The following HBS1L variants were observed in gnomAD, a reference collection of about 807,000 sequenced individuals.
The protein encoded by HBS1L is HBS1 like translational GTPase.
Under a neutral mutation model 88.9 loss-of-function variants are expected in HBS1L, and 55 were observed. The ratio of observed to expected loss-of-function variants is 0.62; its 90% CI spans 0.50 to 0.77. HBS1L has a LOEUF of 0.77. Among genes scored for constraint, HBS1L ranks in the 30% least tolerant of loss-of-function variants. The pLI is 0.00. For synonymous variants in HBS1L, 267 were observed against 288.5 expected (o/e 0.93, Z 0.76); for missense variants, 741 against 829.3 (o/e 0.89, Z 1.31).
In HBS1L at chr6:134,997,499, C is replaced by T; in HGVS notation, c.697G>A (p.Ala233Thr). ...QASEEQSSTP[A>T]PVKKSGKLRQ... The stretch of plus-strand genomic sequence containing the variant: ...AGCTTGCCAGACTTTTTCACCGGTG[C>T]TGGGGTTGAACTCTGCTCTTCTGAT... The change falls in exon 6 of 18, where the codon GCA (alanine) becomes ACA (threonine). Residue 233 changes from alanine to threonine, a missense_variant. Physicochemically the swap from Ala to Thr is moderately conservative, Grantham distance 58. This residue lies in a region of HBS1L where 556 missense variants were observed against 598.4 expected (regional missense o/e 0.93). Coordinates refer to ENST00000367837, the MANE Select transcript of HBS1L (RefSeq NM_006620.4). 1 of 1,614,024 alleles carries T rather than the reference C, an allele frequency of 6.2e-7. No homozygotes were observed. The highest frequency in any genetic ancestry group is 8.5e-7 in the Non-Finnish European group (1 of 1,179,998).
chr6:135,003,231 G>A (rs1019640832), intron 4 of HBS1L, among the ~76,000 whole-genome samples: 2 of 152,146 alleles, frequency 1.3e-5, no homozygotes, highest in African/African-American at 2.4e-5. Context: ...TCAGTTAGCA[G>A]ATGGCTAAAC....
intron 2 of HBS1L, among the ~76,000 whole-genome samples, chr6:135,049,268 A>G (rs1367138109): frequency 1.3e-5 from 2 of 152,120 alleles, no homozygotes; most frequent in African/African-American, 4.8e-5. Context: ...GACAGAAGGG[A>G]AAGAGTTCTC....
At chr6:135,008,512 T>A (rs1336957507) in intron 4 of HBS1L, among the ~76,000 whole-genome samples, 1 of 152,244 alleles carries the variant, frequency 6.6e-6, no homozygotes, top group Non-Finnish European at 1.5e-5. Flanking sequence ...CCCCAGTGGT[T>A]ACCCCTTGAG....
At chr6:135,035,940 A>T in intron 4 of HBS1L, 1 of 595,186 alleles carries the variant, frequency 1.7e-6, no homozygotes, top group African/African-American at 2.0e-5. Flanking sequence ...TAATTCACAT[A>T]TTAATCCAAC....
At chr6:135,034,013 A>G (rs1776460288) in intron 4 of HBS1L, among the ~76,000 whole-genome samples, 1 of 152,236 alleles carries the variant, frequency 6.6e-6, no homozygotes, top group Admixed American at 6.5e-5. Context: ...GGATAACTCA[A>G]ATTTTAAAAT....
At chr6:135,052,571 G>A (rs77867332) in intron 1 of HBS1L, among the ~76,000 whole-genome samples, 5,463 of 145,498 alleles carry the variant, frequency 0.038, 349 homozygotes, top group African/African-American at 0.13. Flanking sequence ...AACAAAGTGC[G>A]ATCCTGTCTC....
At position 135,031,739 on chromosome 6, in the gene HBS1L, T is replaced by C. The variant is rs144019914; in HGVS notation, c.430+7834A>G. Reference sequence around the variant, plus strand: ...AATCATATCTTTGTTCATCTTGGGTTATATCCTGCAACTAAACTGCTTTCC... The same window carrying C: ...AATCATATCTTTGTTCATCTTGGGTCATATCCTGCAACTAAACTGCTTTCC... On this transcript the variant is annotated intron_variant, in intron 4 of 17. Coordinates refer to ENST00000367837, the MANE Select transcript of HBS1L (RefSeq NM_006620.4). 4.2e-4 allele frequency among the ~76,000 whole-genome samples: 64 copies of C among 152,226 alleles called. No homozygotes were observed. In the East Asian group the frequency reaches 0.012, roughly 28 times the overall value.
rs990314471 is a variant in HBS1L, at chr6:134,964,118, C to A, written c.*1161G>T. On this transcript the variant is annotated 3_prime_UTR_variant, in exon 18 of 18. Transcript: ENST00000367837. ...GCTTATGTTCAAAATGTCAGGTTCA[C>A]GAAAAGGTGCAGGGAGAAGAAATGC... The A allele has an allele frequency of 6.6e-6, 1 of 151,762 alleles. No individual in the cohort carries two copies. Among genetic ancestry groups the A allele is most frequent in the African/African-American group, 2.4e-5 (1 of 41,304 alleles). 9.4% of individuals were successfully genotyped at this position (151,762 alleles called of 1,614,324 possible). A position where few individuals can be genotyped will look rare whatever the true frequency, so the allele number is the denominator to read the frequency against.
chr6:134,972,390 G>C (rs1774516606), intron 15 of HBS1L, among the ~76,000 whole-genome samples: 1 of 152,114 alleles, frequency 6.6e-6, no homozygotes, highest in African/African-American at 2.4e-5. Context: ...GGGAAAACTG[G>C]ATATCCATAT....
intron 4 of HBS1L, among the ~76,000 whole-genome samples, chr6:135,011,819 T>C (rs372243240): frequency 6.8e-6 from 1 of 147,754 alleles, no homozygotes; most frequent in Admixed American, 6.9e-5. Context: ...GGCAGGAGAA[T>C]CACTTGAACC....
At position 134,990,234 on chromosome 6, in the gene HBS1L, G is replaced by A. The variant is rs1441981439; in HGVS notation, c.1084-2443C>T. The stretch of plus-strand genomic sequence containing the variant: ...ATATTATTTCTAGGCAATAGCTCTT[G>A]TCTTTGGGAGTCCAAATGCCTACTA... On this transcript the variant is annotated intron_variant, in intron 8 of 17. Coordinates refer to ENST00000367837, the MANE Select transcript of HBS1L (RefSeq NM_006620.4). 3.9e-5 allele frequency among the ~76,000 whole-genome samples: 6 copies of A among 152,158 alleles called. No homozygotes were observed. In the East Asian group the frequency reaches 1.2e-3, roughly 29 times the overall value.
chr6:134,973,093 C>T (rs1477670152), intron 15 of HBS1L, among the ~76,000 whole-genome samples: 1 of 152,190 alleles, frequency 6.6e-6, no homozygotes, highest in Non-Finnish European at 1.5e-5. Flanking sequence ...CACTCCTAGG[C>T]ATATGCCCAA....
intron 5 of HBS1L, among the ~76,000 whole-genome samples, chr6:135,001,994 TAA>T (rs1235482915): frequency 6.6e-6 from 1 of 151,854 alleles, no homozygotes; most frequent in Non-Finnish European, 1.5e-5. Flanking sequence ...TTGTTTATAG[TAA>T]AAACCTATTG....
chr6:135,006,984 C>T (rs781389827), intron 4 of HBS1L, among the ~76,000 whole-genome samples: 2 of 152,068 alleles, frequency 1.3e-5, no homozygotes, highest in Non-Finnish European at 1.5e-5. Flanking sequence ...TGTTATAGTT[C>T]ATCTTAGTAT....
At position 134,964,037 on chromosome 6, in the gene HBS1L, A is replaced by G. The variant is rs1774244744; in HGVS notation, c.*1242T>C. 1 of 152,216 alleles carries G rather than the reference A, an allele frequency of 6.6e-6. No homozygotes were observed. The highest frequency in any genetic ancestry group is 1.5e-5 in the Non-Finnish European group (1 of 68,040). 9.4% of individuals were successfully genotyped at this position (152,216 alleles called of 1,614,324 possible). A position where few individuals can be genotyped will look rare whatever the true frequency, so the allele number is the denominator to read the frequency against. On this transcript the variant is annotated 3_prime_UTR_variant, in exon 18 of 18. Transcript: ENST00000367837. ...ATATACCAAGTGTGTTCACTTGGTA[A>G]TCATTCACTAAGCAACACATGTATA...
intron 15 of HBS1L, among the ~76,000 whole-genome samples, chr6:134,969,634 A>T (rs1340982512): frequency 6.6e-6 from 1 of 152,216 alleles, no homozygotes; most frequent in Non-Finnish European, 1.5e-5. Context: ...ACAACATCTT[A>T]GTGTTGTTCT....
chr6:135,007,779 AAAC>A (rs1381688699), intron 4 of HBS1L, among the ~76,000 whole-genome samples: 1 of 152,196 alleles, frequency 6.6e-6, no homozygotes, highest in Non-Finnish European at 1.5e-5. Context: ...CATCTTCCCC[AAAC>A]AACTGGAAAT....
Position 135,034,713 on chromosome 6 carries a change from T to G in HBS1L, c.430+4860A>C, listed in dbSNP as rs188882252. Among the ~76,000 whole-genome samples, 715 of 152,332 alleles carry G rather than the reference T, an allele frequency of 4.7e-3. 4 individuals are homozygous for G. Among genetic ancestry groups the G allele is most frequent in the African/African-American group, 0.016 (650 of 41,568 alleles). The stretch of plus-strand genomic sequence containing the variant: ...TTTTCCAAGGAATACTAATAATATC[T>G]CCATCATTTTATGCAAAGGGCCATT... On this transcript the variant is annotated intron_variant, in intron 4 of 17. Transcript: ENST00000367837.
chr6:135,014,909 C>T (rs1273144756), intron 4 of HBS1L, among the ~76,000 whole-genome samples: 1 of 151,076 alleles, frequency 6.6e-6, no homozygotes, highest in African/African-American at 2.4e-5. Context: ...GTGGTACACG[C>T]CTGTAGTCCT....
Sources: allele counts gnomAD v4.1 joint callset (sites outside exome capture counted in the v4.1 genomes callset), GRCh38; gene constraint gnomAD v4.1.1; regional missense constraint gnomAD v4.1.1; transcripts MANE v1.5; gene names NCBI Gene and HGNC (gene_info 2026-07-23, HGNC 2026-07-21).